The following DYM variants were observed in gnomAD, a reference collection of about 807,000 sequenced individuals.
The protein encoded by DYM is dymeclin, also known as dyggve-Melchior-Clausen syndrome protein.
Under a neutral mutation model 93.1 loss-of-function variants are expected in DYM, and 78 were observed. The observed-to-expected ratio is 0.84, with a 90% CI of 0.70 to 1.01. DYM has a LOEUF of 1.01. Ranked by LOEUF, DYM falls within the 50% of genes least tolerant of loss-of-function variation. DYM has a pLI of 0.00. For synonymous variants in DYM, 321 were observed against 319.7 expected (o/e 1.00, Z -0.04); for missense variants, 789 against 845.0 (o/e 0.93, Z 0.82).
Position 49,202,944 on chromosome 18 carries a change from G to C in DYM, c.1625+6607C>G, listed in dbSNP as rs1438062987. On this transcript the variant is annotated intron_variant, in intron 14 of 17. Transcript: ENST00000675505. ...CCGCCTGGCCAGCCGCCCCATCCGG[G>C]AGGGAGGTGAGGGGTCAGCCCCCCC... Among the ~76,000 whole-genome samples, 3 of 132,300 alleles carry C rather than the reference G, an allele frequency of 2.3e-5. 1 individual carries two copies. The highest frequency in any genetic ancestry group is 8.4e-5 in the African/African-American group (3 of 35,686). 86.8% of individuals were successfully genotyped at this position (132,300 alleles called of 152,430 possible).
At chr18:49,375,242 C>T (rs1261300534) in intron 5 of DYM, among the ~76,000 whole-genome samples, 8 of 144,590 alleles carry the variant, frequency 5.5e-5, no homozygotes, top group African/African-American at 1.3e-4. Flanking sequence ...CTATACCTAC[C>T]TTGGGCTTTA....
At chr18:49,355,857 T>G (rs1419155608) in intron 6 of DYM, among the ~76,000 whole-genome samples, 1 of 152,068 alleles carries the variant, frequency 6.6e-6, no homozygotes, top group Non-Finnish European at 1.5e-5. Flanking sequence ...TATTTAGAAA[T>G]ATAAAAGGTT....
At position 49,181,576 on chromosome 18, in the gene DYM, T is replaced by C. The variant is rs548232555; in HGVS notation, c.1626-17789A>G. 2.0e-4 allele frequency among the ~76,000 whole-genome samples: 31 copies of C among 152,322 alleles called. 1 individual carries two copies. The highest frequency in any genetic ancestry group is 7.0e-4 in the African/African-American group (29 of 41,586). ...AAATCCAAAAATTTGAAATCCAAAA[T>C]GCTCCAGTGAATGTTTCCTTTGAGT... On this transcript the variant is annotated intron_variant, in intron 14 of 17. Coordinates refer to ENST00000675505, the MANE Select transcript of DYM (RefSeq NM_001353214.3).
At chr18:49,201,003 C>T (rs1039516784) in intron 14 of DYM, among the ~76,000 whole-genome samples, 16 of 152,108 alleles carry the variant, frequency 1.1e-4, no homozygotes, top group Non-Finnish European at 2.9e-5. Context: ...TCCAGAATCA[C>T]GTATTATGCT....
chr18:49,170,041 AC>A (rs67953291), intron 14 of DYM, among the ~76,000 whole-genome samples: 8,738 of 151,820 alleles, frequency 0.058, 337 homozygotes, highest in Middle Eastern at 0.092. Flanking sequence ...TGCTAGGAAT[AC>A]AACAAGTTGA....
At chr18:49,231,157 T>C (rs1469352935) in intron 13 of DYM, among the ~76,000 whole-genome samples, 6 of 152,200 alleles carry the variant, frequency 3.9e-5, no homozygotes, top group Non-Finnish European at 7.3e-5. Flanking sequence ...GGTTTTCTAA[T>C]TTTCAACTTA....
rs546229820 is a variant in DYM at position 49,078,889 on chromosome 18, T to C, written c.2025+18513A>G. Among the ~76,000 whole-genome samples, 3 of 152,248 alleles carry C rather than the reference T, an allele frequency of 2.0e-5. No individual in the cohort carries two copies. The South Asian group carries it at 6.2e-4, about 31-fold the overall frequency. On this transcript the variant is annotated intron_variant, in intron 17 of 17. Transcript: ENST00000675505. Reference sequence around the variant, plus strand: ...CAGCCTGAAGAACTTCCTTTAGCACTGTTCCATTCTCTTTGAGACTCTCTG... The same window carrying C: ...CAGCCTGAAGAACTTCCTTTAGCACCGTTCCATTCTCTTTGAGACTCTCTG...
At chr18:49,258,857 G>GATAGCAC (rs1568120387) in intron 11 of DYM, among the ~76,000 whole-genome samples, 9 of 101,970 alleles carry the variant, frequency 8.8e-5, no homozygotes, top group African/African-American at 3.6e-4. Context: ...GAGAGAGAGA[G>GATAGCAC]AGAGAGAGAG....
In DYM at chr18:49,390,766, A is replaced by G. The variant is rs1418772059; in HGVS notation, c.193+827T>C. On this transcript the variant is annotated intron_variant, in intron 3 of 17. Transcript: ENST00000675505. ...GTGATCCACTCGCATCAGCCTCTCAAAATGCTGGGATTATAGGCGTGAGCC... is the reference window on the plus strand; with the variant it reads ...GTGATCCACTCGCATCAGCCTCTCAGAATGCTGGGATTATAGGCGTGAGCC... 2.6e-5 allele frequency: 4 copies of G among 152,318 alleles called. No individual in the cohort carries two copies. In the East Asian group the frequency reaches 7.7e-4, roughly 29 times the overall value. The allele number at this position is 152,318 out of a possible 1,614,324, so 9.4% of individuals were successfully genotyped here. A position where few individuals can be genotyped will look rare whatever the true frequency, so the allele number is the denominator to read the frequency against.
At chr18:49,254,994 G>A (rs1032505253) in intron 13 of DYM, among the ~76,000 whole-genome samples, 1 of 152,184 alleles carries the variant, frequency 6.6e-6, no homozygotes, top group South Asian at 2.1e-4. Flanking sequence ...TTATTCCAAT[G>A]TCAGTCAACT....
At chr18:49,431,860 T>C (rs1220439534) in intron 1 of DYM, 2 of 152,118 alleles carry the variant, frequency 1.3e-5, no homozygotes, top group African/African-American at 4.8e-5. Context: ...GAATCTGAGA[T>C]AGAAATACTG....
intron 14 of DYM, among the ~76,000 whole-genome samples, chr18:49,203,244 C>A (rs1197991005): frequency 3.2e-5 from 2 of 61,992 alleles, no homozygotes; most frequent in African/African-American, 9.6e-5. Context: ...GTCAGCCCCC[C>A]CTGCCCGGCC....
At chr18:49,143,832 T>C (rs1047810735) in intron 15 of DYM, among the ~76,000 whole-genome samples, 3 of 152,084 alleles carry the variant, frequency 2.0e-5, no homozygotes, top group Admixed American at 1.3e-4. Flanking sequence ...ACCCAGCCCA[T>C]CAACTCATGG....
chr18:49,134,131 G>T (rs372697757), intron 15 of DYM, among the ~76,000 whole-genome samples: 8 of 152,160 alleles, frequency 5.3e-5, no homozygotes, highest in African/African-American at 1.9e-4. Flanking sequence ...ATTTACTGAA[G>T]AATCTGGGTG....
chr18:49,307,942 C>T (rs1015215797), intron 8 of DYM, among the ~76,000 whole-genome samples: 1 of 152,214 alleles, frequency 6.6e-6, no homozygotes, highest in African/African-American at 2.4e-5. Flanking sequence ...AAAGTGACAG[C>T]TTGGATTCAA....
At chr18:49,330,178 G>A (rs1419453383) in intron 8 of DYM, among the ~76,000 whole-genome samples, 1 of 152,018 alleles carries the variant, frequency 6.6e-6, no homozygotes, top group Non-Finnish European at 1.5e-5. Context: ...ACTTTTACAT[G>A]AATAGTTTTA....
In DYM at chr18:49,182,493, C is replaced by G. The variant is rs2090022464; in HGVS notation, c.1626-18706G>C. ...AGTACACATTTAGGATTATAATAGT[C>G]CTCTTGATACACTGATTCCTTCATT... On this transcript the variant is annotated intron_variant, in intron 14 of 17. Coordinates refer to ENST00000675505, the MANE Select transcript of DYM (RefSeq NM_001353214.3). Among the ~76,000 whole-genome samples the G allele has an allele frequency of 4.6e-5, 7 of 152,236 alleles. No homozygotes were observed. The South Asian group carries it at 1.5e-3, about 32-fold the overall frequency.
intron 17 of DYM, among the ~76,000 whole-genome samples, chr18:49,074,175 AC>A (rs1282658516): frequency 2.0e-5 from 3 of 152,208 alleles, no homozygotes; most frequent in Non-Finnish European, 2.9e-5. Flanking sequence ...CCTGGATTCA[AC>A]CAACCATGGA....
chr18:49,221,240 C>A (rs555647521), intron 13 of DYM, among the ~76,000 whole-genome samples: 2,692 of 151,638 alleles, frequency 0.018, 75 homozygotes, highest in African/African-American at 0.06. Context: ...GGCAATCATT[C>A]AAAAGTCAGG....
Sources: allele counts gnomAD v4.1 joint callset (sites outside exome capture counted in the v4.1 genomes callset), GRCh38; gene constraint gnomAD v4.1.1; transcripts MANE v1.5; gene names NCBI Gene and HGNC (gene_info 2026-07-23, HGNC 2026-07-21).